GRIN3A: variants seen among roughly 807,000 people sequenced by gnomAD.
The protein encoded by GRIN3A is glutamate receptor ionotropic, NMDA 3A.
GRIN3A carries 47 observed loss-of-function variants against 92.4 expected under a neutral mutation model. That is an observed-to-expected ratio of 0.51 (90% confidence interval 0.40 to 0.65). The LOEUF is 0.65. GRIN3A is among the 30% of genes least tolerant of loss of function. The probability of loss-of-function intolerance (pLI) is 0.00; values close to 1 mark genes in which losing one functional copy is unlikely to be tolerated. For synonymous variants in GRIN3A, 527 were observed against 540.6 expected (o/e 0.97, Z 0.35); for missense variants, 1,324 against 1,393.1 (o/e 0.95, Z 0.79).
intron 2 of GRIN3A, among the ~76,000 whole-genome samples, chr9:101,683,573 A>G (rs1829490311): frequency 6.6e-6 from 1 of 152,112 alleles, no homozygotes; most frequent in African/African-American, 2.4e-5. Flanking sequence ...ATTTCCCTTG[A>G]CTTGTTCCTG....
chr9:101,658,037 T>C (rs1829113277), intron 3 of GRIN3A, among the ~76,000 whole-genome samples: 1 of 151,978 alleles, frequency 6.6e-6, no homozygotes, highest in Admixed American at 6.6e-5. Context: ...AAAGGACTTG[T>C]TGGAATAAAT....
At chr9:101,610,580 T>G (rs1311393444) in intron 6 of GRIN3A, among the ~76,000 whole-genome samples, 1 of 129,666 alleles carries the variant, frequency 7.7e-6, no homozygotes, top group African/African-American at 2.8e-5. Flanking sequence ...CATCCATCTA[T>G]CTATCTATCT....
At chr9:101,585,192 G>T (rs567793154) in intron 6 of GRIN3A, among the ~76,000 whole-genome samples, 1 of 152,062 alleles carries the variant, frequency 6.6e-6, no homozygotes, top group Non-Finnish European at 1.5e-5. Context: ...TTCATGTATC[G>T]GCAGCTTGGA....
intron 2 of GRIN3A, among the ~76,000 whole-genome samples, chr9:101,671,494 T>C (rs1014600082): frequency 6.6e-6 from 1 of 152,216 alleles, no homozygotes; most frequent in Non-Finnish European, 1.5e-5. Context: ...ATTTCTATTG[T>C]TGACTATGTT....
At chr9:101,575,971 G>T (rs1232235199) in intron 8 of GRIN3A, among the ~76,000 whole-genome samples, 1 of 152,174 alleles carries the variant, frequency 6.6e-6, no homozygotes, top group African/African-American at 2.4e-5. Flanking sequence ...ACAAATGCTG[G>T]ACTTTGTGCC....
chr9:101,657,455 T>C (rs1829105192), intron 3 of GRIN3A, among the ~76,000 whole-genome samples: 2 of 152,000 alleles, frequency 1.3e-5, no homozygotes, highest in Admixed American at 1.3e-4. Context: ...CTTTCAATAA[T>C]GTAAACAGTA....
At chr9:101,676,111 T>C (rs2118960955) in intron 2 of GRIN3A, among the ~76,000 whole-genome samples, 1 of 150,526 alleles carries the variant, frequency 6.6e-6, no homozygotes, top group African/African-American at 2.4e-5. Flanking sequence ...ACTCCATTGT[T>C]TTCAGCCTTC....
At chr9:101,668,128 TC>T (rs1829266875) in intron 3 of GRIN3A, among the ~76,000 whole-genome samples, 1 of 152,066 alleles carries the variant, frequency 6.6e-6, no homozygotes, top group African/African-American at 2.4e-5. Context: ...TCTGGTAGAG[TC>T]AGAGATGAAA....
At chr9:101,642,723 C>T (rs1388299446) in intron 3 of GRIN3A, among the ~76,000 whole-genome samples, 1 of 152,154 alleles carries the variant, frequency 6.6e-6, no homozygotes. Context: ...AGCCTAAGCT[C>T]TGCCTGCTGT....
intron 1 of GRIN3A, among the ~76,000 whole-genome samples, chr9:101,697,114 GCTAC>G (rs1829695138): frequency 6.6e-6 from 1 of 152,030 alleles, no homozygotes; most frequent in South Asian, 2.1e-4. Context: ...TTCATTGCTT[GCTAC>G]CTGACATTGA....
chr9:101,646,214 G>A (rs1828935352), intron 3 of GRIN3A, among the ~76,000 whole-genome samples: 1 of 151,694 alleles, frequency 6.6e-6, no homozygotes, highest in South Asian at 2.1e-4. Flanking sequence ...GGTCTTATAT[G>A]TAAGTCTTTA....
In GRIN3A at chr9:101,703,185, T is replaced by G. The variant is rs547911535; in HGVS notation, c.700-15985A>C. Among the ~76,000 whole-genome samples the G allele has an allele frequency of 2.2e-4, 34 of 152,338 alleles. No individual in the cohort carries two copies. In the South Asian group the frequency reaches 5.4e-3, roughly 24 times the overall value. On this transcript the variant is annotated intron_variant, in intron 1 of 8. Coordinates refer to ENST00000361820, the MANE Select transcript of GRIN3A (RefSeq NM_133445.3). ...ACTTCAATAGCTTCCTCATTGCAACTAAAGCAAAATACAAGCTCTTTACTC... is the reference window on the plus strand; with the variant it reads ...ACTTCAATAGCTTCCTCATTGCAACGAAAGCAAAATACAAGCTCTTTACTC...
chr9:101,587,278 C>A lies in GRIN3A; in HGVS notation c.2767-7918G>T, dbSNP rs1221719462. ...TGAGCTGAAATTGCACCACTGCAATCCAGCCTGGGCAACAGAGCGAGACTC... is the reference window on the plus strand; with the variant it reads ...TGAGCTGAAATTGCACCACTGCAATACAGCCTGGGCAACAGAGCGAGACTC... On this transcript the variant is annotated intron_variant, in intron 6 of 8. Coordinates refer to ENST00000361820, the MANE Select transcript of GRIN3A (RefSeq NM_133445.3). Among the ~76,000 whole-genome samples, 3 of 150,596 alleles carry A rather than the reference C, an allele frequency of 2.0e-5. No homozygotes were observed. In the South Asian group the frequency reaches 6.3e-4, roughly 32 times the overall value.
At chr9:101,700,090 T>C (rs749085834) in intron 1 of GRIN3A, among the ~76,000 whole-genome samples, 4 of 152,180 alleles carry the variant, frequency 2.6e-5, no homozygotes, top group Non-Finnish European at 5.9e-5. Context: ...TTACATGTTA[T>C]AGTCATTATT....
intron 6 of GRIN3A, among the ~76,000 whole-genome samples, chr9:101,612,532 C>G (rs944377286): frequency 6.6e-6 from 1 of 152,080 alleles, no homozygotes; most frequent in African/African-American, 2.4e-5. Flanking sequence ...TGTTGAAATA[C>G]AACTTTGGGA....
Position 101,613,471 on chromosome 9 carries a change from T to G in GRIN3A, c.2671A>C (p.Ile891Leu). Reference protein sequence around the residue: ...SPLTANISELISQYKSHGFMD... With the variant: ...SPLTANISELLSQYKSHGFMD... ...AACCCATGTGACTTGTATTGACTGA[T>G]TAGCTCGGATATGTTGGCGGTCAAT... Residue 891 changes from isoleucine (I) to leucine (L), a missense_variant, in exon 6 of 9, where the codon ATC (isoleucine) becomes CTC (leucine). By Grantham distance (5) the Ile-to-Leu change is conservative. Coordinates refer to ENST00000361820, the MANE Select transcript of GRIN3A (RefSeq NM_133445.3). The G allele has an allele frequency of 6.2e-7, 1 of 1,614,140 alleles. No homozygotes were observed. Among genetic ancestry groups the G allele is most frequent in the Non-Finnish European group, 8.5e-7 (1 of 1,179,994 alleles).
At chr9:101,645,995 T>C (rs1233286729) in intron 3 of GRIN3A, among the ~76,000 whole-genome samples, 1 of 151,770 alleles carries the variant, frequency 6.6e-6, no homozygotes, top group Non-Finnish European at 1.5e-5. Context: ...GAATGAATAG[T>C]TTGCAAATAT....
chr9:101,729,943 T>A lies in GRIN3A; in HGVS notation c.699+7338A>T, dbSNP rs982676461. On this transcript the variant is annotated intron_variant, in intron 1 of 8. Transcript: ENST00000361820. ...TGCATTTATTAATAAAATGAAACTG[T>A]CATTTCTGTTCTATTGTTCCCTGAG... Among the ~76,000 whole-genome samples, 4 of 152,150 alleles carry A rather than the reference T, an allele frequency of 2.6e-5. No individual in the cohort carries two copies. The East Asian group carries it at 7.7e-4, about 29-fold the overall frequency.
intron 1 of GRIN3A, among the ~76,000 whole-genome samples, chr9:101,724,003 A>T (rs909562987): frequency 2.0e-5 from 3 of 152,176 alleles, no homozygotes; most frequent in Admixed American, 6.5e-5. Context: ...TGAGCTAGAC[A>T]TAAAGGTTCT....
Sources: gnomAD v4.1 joint callset for allele counts (sites outside exome capture counted in the v4.1 genomes callset) on GRCh38, gnomAD v4.1.1 for gene constraint, MANE v1.5 for transcripts, NCBI Gene and HGNC (gene_info 2026-07-23, HGNC 2026-07-21) for gene names.